GABRA5: variants seen among roughly 807,000 people sequenced by gnomAD.
GABRA5 encodes gamma-aminobutyric acid type A receptor subunit alpha5, also known as gamma-aminobutyric acid receptor subunit alpha-5.
In GABRA5, 18 loss-of-function variants were observed where a neutral mutation model predicts 47.3. That is an observed-to-expected ratio of 0.38 (90% CI 0.26 to 0.56). GABRA5 has a LOEUF of 0.56. Ranked by LOEUF, GABRA5 falls within the 20% of genes least tolerant of loss-of-function variation. The pLI is 0.71. For synonymous variants in GABRA5, 237 were observed against 229.3 expected (o/e 1.03, Z -0.30); for missense variants, 365 against 599.3 (o/e 0.61, Z 4.08).
chr15:26,909,894 C>G (rs1325582279), intron 6 of GABRA5, among the ~76,000 whole-genome samples: 1 of 152,198 alleles, frequency 6.6e-6, no homozygotes, highest in Non-Finnish European at 1.5e-5. Flanking sequence ...ACTGTCACAC[C>G]TACTGCATTG....
Position 26,940,017 on chromosome 15 carries a change from A to G in GABRA5, c.817A>G (p.Ile273Val). ...CTACCTTCCCTGCATAATGACCGTG[A>G]TCTTATCACAGGTGTCCTTTTGGCT... ...QTYLPCIMTV[I>V]LSQVSFWLNR... Residue 273 changes from isoleucine (I) to valine (V), a missense_variant, in exon 9 of 11, where the codon ATC becomes GTC. By Grantham distance (29) the Ile-to-Val change is conservative (BLOSUM62 3). This residue lies in a region of GABRA5 where 43 missense variants were observed against 133.7 expected (regional missense o/e 0.32). Coordinates refer to ENST00000335625, the MANE Select transcript of GABRA5 (RefSeq NM_000810.4). 6.2e-7 allele frequency: 1 copy of G among 1,613,962 alleles called. No homozygotes were observed. The highest frequency in any genetic ancestry group is 8.5e-7 in the Non-Finnish European group (1 of 1,179,882).
chr15:26,945,739 G>A (rs1047501115), intron 10 of GABRA5, among the ~76,000 whole-genome samples: 19 of 152,150 alleles, frequency 1.2e-4, no homozygotes, highest in Non-Finnish European at 2.6e-4. Flanking sequence ...CTGGCAAGGC[G>A]GATTCCAGGG....
At chr15:26,869,559 AG>A (rs766426490) in intron 3 of GABRA5, among the ~76,000 whole-genome samples, 2 of 152,352 alleles carry the variant, frequency 1.3e-5, no homozygotes, top group South Asian at 4.1e-4. Flanking sequence ...AGAGAAAAAA[AG>A]GCAGATTATG....
chr15:26,939,294 TC>T, intron 8 of GABRA5: 1 of 765,208 alleles, frequency 1.3e-6, no homozygotes, highest in East Asian at 2.4e-5. Flanking sequence ...TCCTCGTGCC[TC>T]CCACACAGCC....
intron 7 of GABRA5, among the ~76,000 whole-genome samples, chr15:26,926,834 G>T (rs559771223): frequency 6.6e-6 from 1 of 152,208 alleles, no homozygotes; most frequent in East Asian, 1.9e-4. Flanking sequence ...GAGCAGGGCA[G>T]GTAGCACAAA....
intron 7 of GABRA5, among the ~76,000 whole-genome samples, chr15:26,935,549 G>A (rs1894217114): frequency 6.6e-6 from 1 of 152,182 alleles, no homozygotes; most frequent in Admixed American, 6.5e-5. Flanking sequence ...CGTGCCCCTG[G>A]TCTCGGGTTA....
At chr15:26,902,644 T>TA (rs1268633391) in intron 6 of GABRA5, among the ~76,000 whole-genome samples, 2 of 152,120 alleles carry the variant, frequency 1.3e-5, no homozygotes, top group African/African-American at 4.8e-5. Context: ...CCTTTACTTG[T>TA]CTTATTACAT....
chr15:26,873,145 A>G (rs934889175), intron 3 of GABRA5, among the ~76,000 whole-genome samples: 1 of 152,244 alleles, frequency 6.6e-6, no homozygotes, highest in African/African-American at 2.4e-5. Flanking sequence ...TAGTAAGACC[A>G]GTAAACAAAA....
chr15:26,883,270 CT>C lies in GABRA5; in HGVS notation c.276+38del. The C allele has an allele frequency of 6.2e-7, 1 of 1,611,854 alleles. No homozygotes were observed. Among genetic ancestry groups the C allele is most frequent in the Non-Finnish European group, 8.5e-7 (1 of 1,177,984 alleles). Reference sequence around the variant, plus strand: ...GGCATGGCTGGGCAGACAATTCTTACTCCGCGCCGCAGGCCCCCGCCCAGGC... The same window carrying C: ...GGCATGGCTGGGCAGACAATTCTTACCCGCGCCGCAGGCCCCCGCCCAGGC... On this transcript the variant is annotated intron_variant, in intron 5 of 10. Coordinates refer to ENST00000335625, the MANE Select transcript of GABRA5 (RefSeq NM_000810.4). This position sits in a 1 kb window ranked among gnomAD's most constrained non-coding sequence, Gnocchi z 4.8.
At chr15:26,908,709 A>G (rs956138378) in intron 6 of GABRA5, among the ~76,000 whole-genome samples, 2 of 152,174 alleles carry the variant, frequency 1.3e-5, no homozygotes, top group African/African-American at 4.8e-5. Context: ...GTATTGCCTG[A>G]GAGTCACGGG....
chr15:26,915,901 C>T (rs540125279), intron 7 of GABRA5, among the ~76,000 whole-genome samples: 4 of 152,280 alleles, frequency 2.6e-5, no homozygotes, highest in Non-Finnish European at 5.9e-5. Flanking sequence ...ATGTTTGAAA[C>T]TGGCAGAGTA....
intron 7 of GABRA5, among the ~76,000 whole-genome samples, chr15:26,917,505 C>T (rs1207020714): frequency 6.6e-6 from 1 of 152,088 alleles, no homozygotes; most frequent in African/African-American, 2.4e-5. Context: ...CTATATTCAT[C>T]AAGGACATTG....
At chr15:26,874,704 C>G (rs1892551048) in intron 3 of GABRA5, among the ~76,000 whole-genome samples, 1 of 152,210 alleles carries the variant, frequency 6.6e-6, no homozygotes, top group African/African-American at 2.4e-5. Context: ...AGAGTAAGAC[C>G]TGCAGTGAAA....
rs764913094 is a variant in GABRA5, at chr15:26,948,021, A to T, written c.1177A>T (p.Thr393Ser). Residue 393 changes from threonine (T) to serine (S), a missense_variant, in exon 11 of 11, where the codon ACC (threonine) becomes TCC (serine). Transcript: ENST00000335625. The part of the protein sequence containing the change: ...SHPPNIPKEQ[T>S]PAGTSNTTSV... The stretch of plus-strand genomic sequence containing the variant: ...CCCCCCAAACATTCCGAAGGAACAG[A>T]CCCCAGCAGGGACGTCGAATACAAC... 2 of 1,604,364 alleles carry T rather than the reference A, an allele frequency of 1.2e-6. No individual in the cohort carries two copies. Among genetic ancestry groups the T allele is most frequent in the Admixed American group, 1.7e-5 (1 of 58,452 alleles).
At chr15:26,907,215 T>C (rs1274970585) in intron 6 of GABRA5, among the ~76,000 whole-genome samples, 1 of 152,218 alleles carries the variant, frequency 6.6e-6, no homozygotes. Flanking sequence ...GTTATCTCAA[T>C]AGCAGATATT....
At chr15:26,892,824 G>C (rs932058538) in intron 6 of GABRA5, among the ~76,000 whole-genome samples, 1 of 152,084 alleles carries the variant, frequency 6.6e-6, no homozygotes, top group African/African-American at 2.4e-5. Context: ...GGCGGCTTCC[G>C]GAGGCTTCTC....
intron 6 of GABRA5, among the ~76,000 whole-genome samples, chr15:26,894,418 G>A (rs1408848389): frequency 6.6e-6 from 1 of 152,078 alleles, no homozygotes; most frequent in Non-Finnish European, 1.5e-5. Flanking sequence ...GAGATGGTGC[G>A]GGCAGCGCTC....
At position 26,877,397 on chromosome 15, in the gene GABRA5, G is replaced by T. The variant is rs9744432; in HGVS notation, c.87-3449G>T. ...GAGGTACTCATTTAATGACCTGAAA[G>T]TAACAGACAAATAAACAGAAGAGAC... is the stretch of plus-strand genomic sequence containing the variant. On this transcript the variant is annotated intron_variant, in intron 3 of 10. Transcript: ENST00000335625. Among the ~76,000 whole-genome samples the T allele has an allele frequency of 4.6e-3, 699 of 152,268 alleles. 4 individuals are homozygous for T. Among genetic ancestry groups the T allele is most frequent in the Admixed American group, 9.0e-3 (137 of 15,292 alleles).
intron 7 of GABRA5, among the ~76,000 whole-genome samples, chr15:26,933,520 G>A (rs1405216517): frequency 6.6e-6 from 1 of 152,202 alleles, no homozygotes; most frequent in Non-Finnish European, 1.5e-5. Context: ...TTTCTGCTGG[G>A]AGAGTGACAG....
Sources: gnomAD v4.1 joint callset for allele counts (sites outside exome capture counted in the v4.1 genomes callset) on GRCh38, gnomAD v4.1.1 for gene constraint, gnomAD v4.1.1 regional missense constraint, Gnocchi (gnomAD v3.1) non-coding constraint, MANE v1.5 for transcripts, NCBI Gene and HGNC (gene_info 2026-07-23, HGNC 2026-07-21) for gene names.